ATAD3C: variants seen among roughly 807,000 people sequenced by gnomAD.
The protein encoded by ATAD3C is ATPase family AAA domain-containing protein 3C.
ATAD3C carries 38 observed loss-of-function variants against 46.3 expected under a neutral mutation model. The ratio of observed to expected loss-of-function variants is 0.82; its 90% CI spans 0.63 to 1.08. The LOEUF (loss-of-function observed/expected upper bound fraction) is 1.08. ATAD3C is among the 50% of genes least tolerant of loss of function. The pLI, the probability that ATAD3C is intolerant of heterozygous loss-of-function variation, is 0.00. For synonymous variants in ATAD3C, 220 were observed against 236.4 expected (o/e 0.93, Z 0.63); for missense variants, 563 against 572.7 (o/e 0.98, Z 0.17).
Position 1,461,484 on chromosome 1 carries a change from G to A in ATAD3C, c.980+567G>A, listed in dbSNP as rs554629638. Among the ~76,000 whole-genome samples, 13 of 152,108 alleles carry A rather than the reference G, an allele frequency of 8.5e-5. No homozygotes were observed. The East Asian group carries it at 1.2e-3, about 14-fold the overall frequency. ...ATTACAGATGTGAGCCACTGTGCCC[G>A]GCCTCTTTTACGTTCCTCTTCACTA... On this transcript the variant is annotated intron_variant, in intron 10 of 11. Coordinates refer to ENST00000378785, the MANE Select transcript of ATAD3C (RefSeq NM_001039211.3).
At chr1:1,451,927 C>T in intron 1 of ATAD3C, 119 bp from the exon 2 acceptor site, 1 of 1,470,306 alleles carries the variant, frequency 6.8e-7, no homozygotes, top group South Asian at 1.4e-5. Flanking sequence ...GTCTGCAGGT[C>T]CCCAGGTGCC....
intron 8 of ATAD3C, among the ~76,000 whole-genome samples, chr1:1,457,472 C>G (rs372469838): frequency 6.6e-6 from 1 of 150,516 alleles, no homozygotes; most frequent in Admixed American, 6.6e-5. Context: ...GGCGGGCGCC[C>G]GTAGTCCCAG....
chr1:1,468,137 GCTTT>G (rs1473810923), intron 11 of ATAD3C, among the ~76,000 whole-genome samples: 2 of 152,042 alleles, frequency 1.3e-5, no homozygotes, highest in Non-Finnish European at 2.9e-5. Context: ...TCCGCCTTGG[GCTTT>G]CTATTAGAAA....
chr1:1,464,175 TC>T (rs1639112207), intron 11 of ATAD3C, among the ~76,000 whole-genome samples: 1 of 146,992 alleles, frequency 6.8e-6, no homozygotes, highest in South Asian at 2.2e-4. Flanking sequence ...CCACTGTACT[TC>T]AGCCTGAGCA....
rs1243520400 is a variant in ATAD3C, at chr1:1,450,229, G to A, written c.-455G>A. 2 of 157,284 alleles carry A rather than the reference G, an allele frequency of 1.3e-5. No individual in the cohort carries two copies. The highest frequency in any genetic ancestry group is 4.9e-5 in the African/African-American group (2 of 41,206). The allele number at this position is 157,284 out of a possible 1,614,324, so 9.7% of individuals were successfully genotyped here. On this transcript the variant is annotated 5_prime_UTR_variant, in exon 1 of 12. Coordinates refer to ENST00000378785, the MANE Select transcript of ATAD3C (RefSeq NM_001039211.3). ...AGTCCCAGCTACTCGGGAGGCTGAG[G>A]CAGGAGAGTGACGTGAACCCGAGAG...
chr1:1,464,499 G>A (rs1207830177), intron 11 of ATAD3C, among the ~76,000 whole-genome samples: 2 of 151,974 alleles, frequency 1.3e-5, no homozygotes, highest in South Asian at 2.1e-4. Context: ...TGCCGGGCAC[G>A]GTGGCTCACG....
intron 1 of ATAD3C, 29 bp from the exon 2 acceptor site, chr1:1,452,017 T>A: frequency 6.2e-7 from 1 of 1,612,586 alleles, no homozygotes; most frequent in South Asian, 1.1e-5. Context: ...TTTTAAAGGC[T>A]TTTCTCTTTT....
rs763740250 is a variant in ATAD3C, at chr1:1,454,031, C to CA, written c.223-314_223-313insA. 7.2e-5 allele frequency among the ~76,000 whole-genome samples: 11 copies of CA among 152,126 alleles called. No homozygotes were observed. In the East Asian group the frequency reaches 9.7e-4, roughly 13 times the overall value. On this transcript the variant is annotated intron_variant, in intron 3 of 11. Coordinates refer to ENST00000378785, the MANE Select transcript of ATAD3C (RefSeq NM_001039211.3). The stretch of plus-strand genomic sequence containing the variant: ...CCATTTTTAGTGGCCAAGAATGTAC[C>CA]GAGGGTGTGGCCCTGTGACATATCC...
intron 8 of ATAD3C, 26 bp downstream of exon 8, chr1:1,457,206 G>A (rs1638977686): frequency 1.2e-6 from 2 of 1,613,204 alleles, no homozygotes; most frequent in Admixed American, 1.7e-5. Context: ...CCTCTGTCTG[G>A]CCACAGGAGG....
Position 1,450,620 on chromosome 1 carries a change from G to A in ATAD3C, c.-64G>A, listed in dbSNP as rs1245672489. 24 of 1,559,296 alleles carry A rather than the reference G, an allele frequency of 1.5e-5. No individual in the cohort carries two copies. The highest frequency in any genetic ancestry group is 7.1e-5 in the East Asian group (3 of 42,092). ...CCAGAAAGCCCCTTGGCTGGTGTGC[G>A]TGCCTGCCCAGCGGCATCCGTGTAT... On this transcript the variant is annotated 5_prime_UTR_variant, in exon 1 of 12. The change creates a new upstream start codon in the 5' untranslated region. Transcript: ENST00000378785.
intron 11 of ATAD3C, among the ~76,000 whole-genome samples, chr1:1,463,180 A>C (rs1050988500): frequency 7.2e-5 from 11 of 152,034 alleles, no homozygotes; most frequent in Admixed American, 7.2e-4. Context: ...TCCCACAGCC[A>C]GTTGTTTCTC....
chr1:1,463,527 C>T (rs528397977), intron 11 of ATAD3C, among the ~76,000 whole-genome samples: 1 of 152,068 alleles, frequency 6.6e-6, no homozygotes, highest in African/African-American at 2.4e-5. Context: ...TGACAAAGAA[C>T]CCCAGATCTC....
At position 1,462,786 on chromosome 1, in the gene ATAD3C, C is replaced by T; in HGVS notation, c.1089+78C>T. The T allele has an allele frequency of 1.4e-6, 2 of 1,468,892 alleles. No individual in the cohort carries two copies. The highest frequency in any genetic ancestry group is 2.5e-5 in the South Asian group (2 of 80,826). The allele number at this position is 1,468,892 out of a possible 1,614,324, so 91.0% of individuals were successfully genotyped here. A position where few individuals can be genotyped will look rare whatever the true frequency, so the allele number is the denominator to read the frequency against. The stretch of plus-strand genomic sequence containing the variant: ...ATGCTTGGTTGCGCCAGGCCTGTCC[C>T]AGCACCGGTGTCACGTGGGAGCTTC... On this transcript the variant is annotated intron_variant, in intron 11 of 11. Coordinates refer to ENST00000378785, the MANE Select transcript of ATAD3C (RefSeq NM_001039211.3). This position sits in a 1 kb window ranked among gnomAD's most constrained non-coding sequence, Gnocchi z 4.5.
At chr1:1,460,585 G>A (rs1639039381) in intron 9 of ATAD3C, among the ~76,000 whole-genome samples, 165 bp from the exon 10 acceptor site, 1 of 152,068 alleles carries the variant, frequency 6.6e-6, no homozygotes, top group Non-Finnish European at 1.5e-5. Context: ...CAGGCAGGCG[G>A]GTGACCATGG....
intron 3 of ATAD3C, among the ~76,000 whole-genome samples, chr1:1,453,716 T>C (rs1638902636): frequency 6.6e-6 from 1 of 151,020 alleles, no homozygotes; most frequent in Non-Finnish European, 1.5e-5. Flanking sequence ...CTGGGCTCAC[T>C]GCAACCTCCG....
Position 1,468,438 on chromosome 1 carries a change from T to C in ATAD3C, c.1144T>C (p.Cys382Arg), listed in dbSNP as rs777343729. Residue 382 changes from cysteine (C) to arginine (R), a missense_variant, in exon 12 of 12, where the codon TGC becomes CGC. Transcript: ENST00000378785. ...GVLTEAMMDA[C>R]VQDFVQQHQQ... Reference sequence around the variant, plus strand: ...CCTGACCGAGGCCATGATGGACGCCTGCGTGCAAGACTTTGTCCAGCAGCA... The same window carrying C: ...CCTGACCGAGGCCATGATGGACGCCCGCGTGCAAGACTTTGTCCAGCAGCA... 51 of 1,612,950 alleles carry C rather than the reference T, an allele frequency of 3.2e-5. 1 individual carries two copies. Among genetic ancestry groups the C allele is most frequent in the African/African-American group, 9.3e-5 (7 of 74,884 alleles).
chr1:1,466,328 A>G (rs1340249539), intron 11 of ATAD3C, among the ~76,000 whole-genome samples: 2 of 151,184 alleles, frequency 1.3e-5, no homozygotes, highest in Non-Finnish European at 1.5e-5. Flanking sequence ...CGGGTGGGTC[A>G]TGAGGTCAGG....
chr1:1,468,935 A>ATGCCGCCCC lies in ATAD3C; in HGVS notation c.*410_*418dup. 1 of 222,014 alleles carries ATGCCGCCCC rather than the reference A, an allele frequency of 4.5e-6. No homozygotes were observed. The highest frequency in any genetic ancestry group is 9.0e-6 in the Non-Finnish European group (1 of 111,692). 13.8% of individuals were successfully genotyped at this position (222,014 alleles called of 1,614,324 possible). On this transcript the variant is annotated 3_prime_UTR_variant, in exon 12 of 12. Coordinates refer to ENST00000378785, the MANE Select transcript of ATAD3C (RefSeq NM_001039211.3). ...AAACAGACACAGCGGCTTCAAATAG[A>ATGCCGCCCC]TGCCGCCCCTGCCCGCGCTTTGCAG...
intron 5 of ATAD3C, 94 bp downstream of exon 5, chr1:1,455,613 A>G: frequency 6.3e-7 from 1 of 1,592,770 alleles, no homozygotes; most frequent in Non-Finnish European, 8.6e-7. Flanking sequence ...GGTGGCGCCC[A>G]GGATCTTTTG....
Sources: gnomAD v4.1 joint callset for allele counts (sites outside exome capture counted in the v4.1 genomes callset) on GRCh38, gnomAD v4.1.1 for gene constraint, Gnocchi (gnomAD v3.1) non-coding constraint, MANE v1.5 for transcripts, NCBI Gene and HGNC (gene_info 2026-07-23, HGNC 2026-07-21) for gene names.